The following BTN3A2 variants were observed in gnomAD, a reference collection of about 807,000 sequenced individuals.
The protein encoded by BTN3A2 is butyrophilin subfamily 3 member A2, also known as butyrophilin protein.
A neutral mutation model predicts 37.6 loss-of-function variants in BTN3A2; 25 were observed. The observed-to-expected ratio is 0.66, with a 90% CI of 0.48 to 0.93. The LOEUF (loss-of-function observed/expected upper bound fraction) is 0.93. Among genes scored for constraint, BTN3A2 ranks in the 40% least tolerant of loss-of-function variants. The probability of loss-of-function intolerance (pLI) is 0.00; values close to 1 mark genes in which losing one functional copy is unlikely to be tolerated. For synonymous variants in BTN3A2, 122 were observed against 159.4 expected, an observed-to-expected ratio of 0.77 and a Z score of 1.77; for missense variants, 266 against 410.9, an observed-to-expected ratio of 0.65 and a Z score of 3.05.
At chr6:26,372,499 C>T (rs767366954) in intron 5 of BTN3A2, among the ~76,000 whole-genome samples, 4 of 152,170 alleles carry the variant, frequency 2.6e-5, no homozygotes, top group Non-Finnish European at 4.4e-5. Flanking sequence ...GGTTATGTTC[C>T]TAAGCATCAT....
intron 9 of BTN3A2, 177 bp from the exon 10 acceptor site, chr6:26,374,594 A>G: frequency 3.4e-6 from 3 of 882,054 alleles, no homozygotes; most frequent in Non-Finnish European, 5.2e-6. Flanking sequence ...ACAGGGAGCC[A>G]AGCCTGACAT....
chr6:26,376,476 A>G lies in BTN3A2; in HGVS notation c.*714A>G. ...GCAGGCTAGGGACACGGGGTTCTGG[A>G]AGGACCTCCTCAGCATGGCCCAAGC... On this transcript the variant is annotated 3_prime_UTR_variant, in exon 11 of 11. Transcript: ENST00000377708. The G allele has an allele frequency of 9.1e-7, 1 of 1,098,376 alleles. No individual in the cohort carries two copies. 68.0% of individuals were successfully genotyped at this position (1,098,376 alleles called of 1,614,324 possible).
At position 26,375,870 on chromosome 6, in the gene BTN3A2, G is replaced by T; in HGVS notation, c.*108G>T. On this transcript the variant is annotated 3_prime_UTR_variant, in exon 11 of 11. Coordinates refer to ENST00000377708, the MANE Select transcript of BTN3A2 (RefSeq NM_007047.5). ...GTATGGAAAAATAGACTGCAGAAAA[G>T]GGGAACTCATTTAGCTCACGAGTGG... is the stretch of plus-strand genomic sequence containing the variant. 2 of 1,546,620 alleles carry T rather than the reference G, an allele frequency of 1.3e-6. No homozygotes were observed.
chr6:26,373,224 C>T, intron 6 of BTN3A2, 52 bp from the exon 7 acceptor site: 1 of 1,593,298 alleles, frequency 6.3e-7, no homozygotes, highest in Non-Finnish European at 8.5e-7. Context: ...CAACCTCACC[C>T]ATAACAGTTC....
chr6:26,366,604 G>A (rs1269572921), intron 1 of BTN3A2, among the ~76,000 whole-genome samples: 1 of 152,204 alleles, frequency 6.6e-6, no homozygotes, highest in East Asian at 1.9e-4. Flanking sequence ...CTTCTCCTTA[G>A]GAGAATAAAG....
At chr6:26,373,214 C>T in intron 6 of BTN3A2, 62 bp from the exon 7 acceptor site, 1 of 1,596,046 alleles carries the variant, frequency 6.3e-7, no homozygotes, top group Non-Finnish European at 8.5e-7. Flanking sequence ...CCCGAAACAC[C>T]AACCTCACCC....
Position 26,374,328 on chromosome 6 carries a change from T to A in BTN3A2, c.966T>A (p.Arg322=). 6.3e-7 allele frequency: 1 copy of A among 1,598,522 alleles called. No individual in the cohort carries two copies. The highest frequency in any genetic ancestry group is 8.5e-7 in the Non-Finnish European group (1 of 1,175,000). Residue 322 remains arginine, a splice_region_variant and synonymous_variant, in exon 9 of 11, where the codon CGT becomes CGA. Coordinates refer to ENST00000377708, the MANE Select transcript of BTN3A2 (RefSeq NM_007047.5). ...ACCTCTACCTTTCTTTCATTGTAGG[T>A]GGAGAGGAGTCTTCGTCCGATACCA... ...LKRKKIQYLT[R]GEESSSDTNK...
rs939039994 is a variant in BTN3A2, at chr6:26,374,591, G to A, written c.*7-180G>A. 112 of 871,912 alleles carry A rather than the reference G, an allele frequency of 1.3e-4. 1 individual carries two copies. Among genetic ancestry groups the A allele is most frequent in the Non-Finnish European group, 2.5e-5 (14 of 566,606 alleles). The allele number at this position is 871,912 out of a possible 1,614,324, so 54.0% of individuals were successfully genotyped here. ...TCCTGCACCCCCCATGACACAGGGA[G>A]CCAAGCCTGACATTTTTGAGAAGGT... On this transcript the variant is annotated intron_variant, in intron 9 of 10. Transcript: ENST00000377708.
chr6:26,375,446 C>A, intron 10 of BTN3A2: 1 of 539,058 alleles, frequency 1.9e-6, no homozygotes, highest in South Asian at 2.6e-5. Context: ...CCAGCTGCTG[C>A]TGGCAGGGAG....
At chr6:26,374,293 T>A in intron 8 of BTN3A2, 34 bp from the exon 9 acceptor site, 1 of 1,583,530 alleles carries the variant, frequency 6.3e-7, no homozygotes, top group Non-Finnish European at 8.6e-7. Context: ...AAAGGCAGAG[T>A]TCTGGTGACA....
chr6:26,368,166 C>G lies in BTN3A2; in HGVS notation c.-5-12C>G. The G allele has an allele frequency of 3.7e-6, 6 of 1,613,754 alleles. No individual in the cohort carries two copies. The highest frequency in any genetic ancestry group is 2.5e-6 in the Non-Finnish European group (3 of 1,179,672). Reference sequence around the variant, plus strand: ...GTCTGTCCCACACCTTCTGGTATCTCTTGATATGCAGCATAGATGAAAATG... The same window carrying G: ...GTCTGTCCCACACCTTCTGGTATCTGTTGATATGCAGCATAGATGAAAATG... On this transcript the variant is annotated splice_polypyrimidine_tract_variant and intron_variant, in intron 2 of 10. Coordinates refer to ENST00000377708, the MANE Select transcript of BTN3A2 (RefSeq NM_007047.5).
chr6:26,366,555 G>A (rs1367237388), intron 1 of BTN3A2, among the ~76,000 whole-genome samples: 1 of 152,148 alleles, frequency 6.6e-6, no homozygotes, highest in East Asian at 1.9e-4. Context: ...TCCCTCTGAG[G>A]ACAGCAGAGA....
At chr6:26,375,536 A>C in intron 10 of BTN3A2, 1 of 1,180,236 alleles carries the variant, frequency 8.5e-7, no homozygotes, top group South Asian at 1.4e-5. Context: ...GGCCAAACAC[A>C]GCAGCAAACC....
intron 4 of BTN3A2, among the ~76,000 whole-genome samples, chr6:26,370,006 G>A (rs1334433440): frequency 6.6e-6 from 1 of 152,194 alleles, no homozygotes; most frequent in Non-Finnish European, 1.5e-5. Flanking sequence ...CAGGCTGGCT[G>A]CATTGCCTTG....
chr6:26,377,740 C>A lies in BTN3A2; in HGVS notation c.*1978C>A. 5.9e-6 allele frequency: 1 copy of A among 169,392 alleles called. No individual in the cohort carries two copies. The highest frequency in any genetic ancestry group is 1.4e-4 in the South Asian group (1 of 7,214). 10.5% of individuals were successfully genotyped at this position (169,392 alleles called of 1,614,324 possible). ...ACATGTAGCCCTGAGGTTCCCTTCC[C>A]AGGACAGCTCCAGGATCGAGATCAC... On this transcript the variant is annotated 3_prime_UTR_variant, in exon 11 of 11. Coordinates refer to ENST00000377708, the MANE Select transcript of BTN3A2 (RefSeq NM_007047.5).
At chr6:26,366,647 TATA>T (rs764767388) in intron 1 of BTN3A2, among the ~76,000 whole-genome samples, 10 of 152,058 alleles carry the variant, frequency 6.6e-5, no homozygotes, top group Admixed American at 1.3e-4. Context: ...TGTGGTGAAA[TATA>T]ATGTTTAGTC....
Position 26,370,270 on chromosome 6 carries a change from C to A in BTN3A2, c.434-52C>A, listed in dbSNP as rs1051628972. ...GCCTGACATTGATTCCCATTGAGAC[C>A]CTCCCTAATACAGGAGCTATCCAGA... On this transcript the variant is annotated intron_variant, in intron 4 of 10. Coordinates refer to ENST00000377708, the MANE Select transcript of BTN3A2 (RefSeq NM_007047.5). 27 of 1,574,666 alleles carry A rather than the reference C, an allele frequency of 1.7e-5. No individual in the cohort carries two copies. The South Asian group carries it at 2.9e-4, about 17-fold the overall frequency.
rs1234742503 is a variant in BTN3A2 at position 26,374,360 on chromosome 6, C to T, written c.998C>T (p.Ser333Leu). Residue 333 changes from serine (S) to leucine (L), a missense_variant, in exon 9 of 11, where the codon TCA becomes TTA. Transcript: ENST00000377708. ...GEESSSDTNK[S>L]A ...GAGTCTTCGTCCGATACCAATAAGT[C>T]AGCCTGATGCTCTGTAAGTTTGCTG... The T allele has an allele frequency of 1.9e-6, 3 of 1,613,538 alleles. No individual in the cohort carries two copies. Among genetic ancestry groups the T allele is most frequent in the East Asian group, 4.5e-5 (2 of 44,866 alleles).
In BTN3A2 at chr6:26,375,826, C is replaced by T. The variant is rs528748517; in HGVS notation, c.*64C>T. ...GGAAATGCTTCAGATGAGGCTCCAC[C>T]TTGTTAAATAAATTGGATGTATGGA... On this transcript the variant is annotated 3_prime_UTR_variant, in exon 11 of 11. Transcript: ENST00000377708. 237 of 1,549,838 alleles carry T rather than the reference C, an allele frequency of 1.5e-4. No individual in the cohort carries two copies. Among genetic ancestry groups the T allele is most frequent in the Admixed American group, 5.5e-4 (28 of 50,968 alleles).
Sources: gnomAD v4.1 joint callset for allele counts (sites outside exome capture counted in the v4.1 genomes callset) on GRCh38, gnomAD v4.1.1 for gene constraint, MANE v1.5 for transcripts, NCBI Gene and HGNC (gene_info 2026-07-23, HGNC 2026-07-21) for gene names.